The following ZNF385D variants were observed in gnomAD, a reference collection of about 807,000 sequenced individuals.
ZNF385D encodes the protein zinc finger protein 385D, also known as zinc finger protein 659.
A neutral mutation model predicts 35.8 loss-of-function variants in ZNF385D; 15 were observed. The ratio of observed to expected loss-of-function variants is 0.42; its 90% CI spans 0.28 to 0.64. ZNF385D has a LOEUF of 0.64. Among genes scored for constraint, ZNF385D ranks in the 30% least tolerant of loss-of-function variants. The pLI is 0.23. For synonymous variants in ZNF385D, 212 were observed against 186.8 expected (o/e 1.13, Z -1.10); for missense variants, 474 against 494.6 (o/e 0.96, Z 0.39).
At chr3:22,351,200 G>A (rs1559535614) in intron 2 of ZNF385D, among the ~76,000 whole-genome samples, 2 of 151,986 alleles carry the variant, frequency 1.3e-5, no homozygotes, top group African/African-American at 4.8e-5. Flanking sequence ...AGCCAGAATT[G>A]GTTTTGTTTT....
intron 3 of ZNF385D, among the ~76,000 whole-genome samples, chr3:21,971,024 G>T (rs1703220931): frequency 6.6e-6 from 1 of 152,152 alleles, no homozygotes; most frequent in Non-Finnish European, 1.5e-5. Context: ...CAAAAGCTGA[G>T]GGATTTTATC....
chr3:22,103,472 T>G (rs147476258), intron 3 of ZNF385D, among the ~76,000 whole-genome samples: 1,895 of 152,236 alleles, frequency 0.012, 21 homozygotes, highest in Middle Eastern at 0.024. Flanking sequence ...TTTTACAATT[T>G]TCATAAACTT....
intron 5 of ZNF385D, among the ~76,000 whole-genome samples, chr3:21,428,742 T>C (rs1278099673): frequency 1.3e-5 from 2 of 151,988 alleles, no homozygotes; most frequent in African/African-American, 4.8e-5. Flanking sequence ...CACTCATAAG[T>C]CTACTTCTGC....
Position 22,289,301 on chromosome 3 carries a change from G to C in ZNF385D, c.106+83149C>G, listed in dbSNP as rs1702176071. ...CAACTCCTGAATCTAGGTGGGTAGGGAGTCAATTCATTACGTGCAAGCTGT... is the reference window on the plus strand; with the variant it reads ...CAACTCCTGAATCTAGGTGGGTAGGCAGTCAATTCATTACGTGCAAGCTGT... On this transcript the variant is annotated intron_variant, in intron 2 of 5. Coordinates refer to the ZNF385D transcript ENST00000494108. Among the ~76,000 whole-genome samples, 3 of 152,126 alleles carry C rather than the reference G, an allele frequency of 2.0e-5. No homozygotes were observed. The South Asian group carries it at 6.2e-4, about 32-fold the overall frequency.
chr3:22,065,456 G>C (rs1182466620), intron 3 of ZNF385D, among the ~76,000 whole-genome samples: 1 of 152,142 alleles, frequency 6.6e-6, no homozygotes, highest in Non-Finnish European at 1.5e-5. Flanking sequence ...TACAATGGCA[G>C]GGTAGGGGCA....
intron 3 of ZNF385D, among the ~76,000 whole-genome samples, chr3:21,984,299 G>A (rs1344295067): frequency 1.4e-5 from 2 of 144,782 alleles, no homozygotes; most frequent in Admixed American, 6.7e-5. Flanking sequence ...ATGGTTTTAG[G>A]TCTAACGTTT....
At chr3:21,795,002 C>G (rs1424105318) in intron 3 of ZNF385D, among the ~76,000 whole-genome samples, 1 of 152,120 alleles carries the variant, frequency 6.6e-6, no homozygotes, top group Non-Finnish European at 1.5e-5. Context: ...TTTACTAATA[C>G]TCTCATAGTC....
chr3:22,182,760 G>A (rs1695364331), intron 2 of ZNF385D, among the ~76,000 whole-genome samples: 1 of 151,956 alleles, frequency 6.6e-6, no homozygotes, highest in Admixed American at 6.6e-5. Context: ...AATCCAAATT[G>A]AAAATTACTT....
intron 2 of ZNF385D, among the ~76,000 whole-genome samples, chr3:21,632,353 T>C (rs1328512133): frequency 1.3e-5 from 2 of 152,138 alleles, no homozygotes; most frequent in African/African-American, 4.8e-5. Flanking sequence ...AGTGACCAAT[T>C]TGAGACTGGC....
intron 2 of ZNF385D, among the ~76,000 whole-genome samples, chr3:21,652,136 T>A (rs77427169): frequency 0.038 from 5,808 of 152,306 alleles, 360 homozygotes; most frequent in African/African-American, 0.13. Flanking sequence ...TAGGTAAATT[T>A]AAATTGAATT....
At chr3:21,853,507 CTTTT>C (rs753500007) in intron 3 of ZNF385D, among the ~76,000 whole-genome samples, 3 of 45,256 alleles carry the variant, frequency 6.6e-5, no homozygotes, top group Admixed American at 2.2e-4. Flanking sequence ...AATTGCAGTC[CTTTT>C]TTTTTTTTTT....
Position 21,417,896 on chromosome 3 carries a change from T to G in ZNF385D, c.*3318A>C, listed in dbSNP as rs1326206044. On this transcript the variant is annotated 3_prime_UTR_variant, in exon 8 of 8. Transcript: ENST00000281523. The stretch of plus-strand genomic sequence containing the variant: ...GGAGAAGCCAAATAGTACCTAAAGA[T>G]AGAAATCCTTTCAAATGAGGCAGGG... The G allele has an allele frequency of 6.6e-6, 1 of 152,148 alleles. No homozygotes were observed. The highest frequency in any genetic ancestry group is 2.4e-5 in the African/African-American group (1 of 41,440). 9.4% of individuals were successfully genotyped at this position (152,148 alleles called of 1,614,324 possible). A position where few individuals can be genotyped will look rare whatever the true frequency, so the allele number is the denominator to read the frequency against.
chr3:21,610,252 A>C (rs1032315), intron 2 of ZNF385D, among the ~76,000 whole-genome samples: 83,371 of 151,906 alleles, frequency 0.55, 23,556 homozygotes, highest in African/African-American at 0.67. Flanking sequence ...TTGTGGTGCT[A>C]ACCATATAAG....
chr3:22,132,318 T>C (rs1253227929), intron 3 of ZNF385D, among the ~76,000 whole-genome samples: 1 of 152,150 alleles, frequency 6.6e-6, no homozygotes, highest in Non-Finnish European at 1.5e-5. Context: ...GAAACGGACA[T>C]TCATCAGATA....
At chr3:21,790,280 G>C (rs1334435042) in intron 3 of ZNF385D, among the ~76,000 whole-genome samples, 4 of 151,814 alleles carry the variant, frequency 2.6e-5, no homozygotes, top group Admixed American at 2.6e-4. Flanking sequence ...GGCTCATAAA[G>C]ATACATTAGA....
intron 3 of ZNF385D, among the ~76,000 whole-genome samples, chr3:21,541,828 T>C (rs162411): frequency 0.24 from 36,520 of 152,124 alleles, 4,515 homozygotes; most frequent in African/African-American, 0.3. Context: ...TTGGTTTCTA[T>C]AAGTTTTGTT....
intron 2 of ZNF385D, among the ~76,000 whole-genome samples, chr3:21,640,403 T>G (rs1447859125): frequency 6.6e-6 from 1 of 152,072 alleles, no homozygotes; most frequent in Non-Finnish European, 1.5e-5. Context: ...CTCAGATGCT[T>G]ACTGTTATGG....
chr3:21,754,442 C>A (rs960119905), upstream of ZNF385D, among the ~76,000 whole-genome samples: 1 of 152,104 alleles, frequency 6.6e-6, no homozygotes, highest in African/African-American at 2.4e-5. Context: ...AAAATTATAC[C>A]TAGCACTATT....
chr3:22,277,575 T>A (rs1701491549), intron 2 of ZNF385D, among the ~76,000 whole-genome samples: 1 of 152,168 alleles, frequency 6.6e-6, no homozygotes, highest in South Asian at 2.1e-4. Context: ...TTTATCATGC[T>A]ATTATAAGAC....
Sources: allele counts gnomAD v4.1 joint callset (sites outside exome capture counted in the v4.1 genomes callset), GRCh38; gene constraint gnomAD v4.1.1; transcripts MANE v1.5; gene names NCBI Gene and HGNC (gene_info 2026-07-23, HGNC 2026-07-21).